The following TMEM108 variants were observed in gnomAD, a reference collection of about 807,000 sequenced individuals.
TMEM108 encodes transmembrane protein 108.
Under a neutral mutation model 35.1 loss-of-function variants are expected in TMEM108, and 12 were observed. The observed-to-expected ratio is 0.34, with a 90% CI of 0.22 to 0.55. TMEM108 has a LOEUF of 0.55. TMEM108 is among the 20% of genes least tolerant of loss of function. TMEM108 has a pLI of 0.89. For missense variants in TMEM108, 680 were observed against 753.3 expected, an observed-to-expected ratio of 0.90 and a Z score of 1.14; for synonymous variants, 287 against 308.6, an observed-to-expected ratio of 0.93 and a Z score of 0.73.
intron 3 of TMEM108, among the ~76,000 whole-genome samples, chr3:133,269,527 A>G (rs373748739): frequency 2.0e-5 from 3 of 152,292 alleles, no homozygotes. Context: ...TAGAGATTAA[A>G]TGGCTTCATT....
chr3:133,296,780 G>A (rs1035412849), intron 3 of TMEM108, among the ~76,000 whole-genome samples: 2 of 152,186 alleles, frequency 1.3e-5, no homozygotes, highest in Non-Finnish European at 2.9e-5. Context: ...TAGAGGGAGT[G>A]TCCAGCATGA....
chr3:133,181,330 A>G (rs1269251658), intron 2 of TMEM108, among the ~76,000 whole-genome samples: 1 of 152,174 alleles, frequency 6.6e-6, no homozygotes, highest in African/African-American at 2.4e-5. Flanking sequence ...CATCATAGGA[A>G]AAGAGAGAAC....
chr3:133,272,773 A>G (rs894417567), intron 3 of TMEM108, among the ~76,000 whole-genome samples: 2 of 152,188 alleles, frequency 1.3e-5, no homozygotes, highest in Non-Finnish European at 2.9e-5. Context: ...GGGAAAGTGA[A>G]CCTGATCTTC....
chr3:133,071,412 G>A (rs1943674683), intron 2 of TMEM108, among the ~76,000 whole-genome samples: 2 of 152,018 alleles, frequency 1.3e-5, no homozygotes, highest in South Asian at 4.2e-4. Flanking sequence ...CAGTCATATT[G>A]GTTTAGAGCC....
At chr3:133,065,670 A>T (rs567085619) in intron 2 of TMEM108, among the ~76,000 whole-genome samples, 61 of 152,182 alleles carry the variant, frequency 4.0e-4, no homozygotes, top group African/African-American at 1.3e-3. Flanking sequence ...TATTAAATTT[A>T]AAAAAAATTT....
intron 3 of TMEM108, among the ~76,000 whole-genome samples, chr3:133,282,964 G>A (rs959216064): frequency 2.0e-5 from 3 of 152,188 alleles, no homozygotes; most frequent in African/African-American, 7.2e-5. Context: ...TGTTACTTGT[G>A]TGAAGGCTTA....
chr3:133,137,641 G>T (rs898126704), intron 2 of TMEM108, among the ~76,000 whole-genome samples: 2 of 152,084 alleles, frequency 1.3e-5, no homozygotes, highest in African/African-American at 4.8e-5. Flanking sequence ...GGCTATCCTT[G>T]TCACAAGGAT....
intron 3 of TMEM108, among the ~76,000 whole-genome samples, chr3:133,333,396 G>C (rs968581211): frequency 6.6e-6 from 1 of 151,558 alleles, no homozygotes; most frequent in African/African-American, 2.4e-5. Flanking sequence ...AATAAACTTA[G>C]AGCCAGAAAG....
chr3:133,335,638 G>A (rs552731714), intron 3 of TMEM108, among the ~76,000 whole-genome samples: 59 of 152,280 alleles, frequency 3.9e-4, no homozygotes, highest in African/African-American at 1.4e-3. Context: ...TATAGAATGA[G>A]CAGAGCAAAA....
intron 3 of TMEM108, among the ~76,000 whole-genome samples, chr3:133,281,985 G>A (rs759670568): frequency 5.9e-5 from 9 of 151,944 alleles, no homozygotes; most frequent in East Asian, 1.9e-4. Context: ...GTGAAACTCC[G>A]TCTCTACTAA....
chr3:133,390,770 G>A (rs1489802336), intron 5 of TMEM108, among the ~76,000 whole-genome samples: 1 of 152,064 alleles, frequency 6.6e-6, no homozygotes, highest in Non-Finnish European at 1.5e-5. Flanking sequence ...TATAGACAAA[G>A]AGCTGTGGAA....
At chr3:133,137,446 G>A (rs183649470) in intron 2 of TMEM108, among the ~76,000 whole-genome samples, 6 of 152,078 alleles carry the variant, frequency 3.9e-5, no homozygotes, top group Admixed American at 6.6e-5. Context: ...ATCCTGTCAC[G>A]CCTGCCCCAG....
chr3:133,328,205 A>C (rs1225414749), intron 3 of TMEM108, among the ~76,000 whole-genome samples: 3 of 152,196 alleles, frequency 2.0e-5, no homozygotes, highest in Non-Finnish European at 4.4e-5. Context: ...GTTGTATCCT[A>C]ATGTCATGAG....
intron 2 of TMEM108, among the ~76,000 whole-genome samples, chr3:133,105,814 C>G (rs1223059503): frequency 6.6e-6 from 1 of 152,208 alleles, no homozygotes; most frequent in Non-Finnish European, 1.5e-5. Context: ...AAACTATTTT[C>G]TCTACAGCAA....
intron 3 of TMEM108, among the ~76,000 whole-genome samples, chr3:133,279,120 C>T (rs1371592261): frequency 6.6e-6 from 1 of 152,156 alleles, no homozygotes; most frequent in Admixed American, 6.5e-5. Flanking sequence ...GGCAAACCAG[C>T]CTAGTCTGTA....
intron 4 of TMEM108, chr3:133,389,294 C>T: frequency 3.0e-6 from 3 of 985,486 alleles, no homozygotes; most frequent in Non-Finnish European, 3.6e-6. Flanking sequence ...GGTCACATGT[C>T]ACACTGTGCT....
chr3:133,277,401 T>C (rs1946853402), intron 3 of TMEM108, among the ~76,000 whole-genome samples: 1 of 152,140 alleles, frequency 6.6e-6, no homozygotes, highest in Admixed American at 6.5e-5. Flanking sequence ...AGTACAAAAG[T>C]TTATTATACT....
chr3:133,051,986 C>T (rs147099159), intron 2 of TMEM108, among the ~76,000 whole-genome samples: 116 of 152,164 alleles, frequency 7.6e-4, no homozygotes, highest in African/African-American at 2.7e-3. Context: ...GCGTGTTTTG[C>T]CTCTCCATAT....
intron 3 of TMEM108, among the ~76,000 whole-genome samples, chr3:133,281,097 C>A (rs902851538): frequency 2.1e-4 from 32 of 152,156 alleles, no homozygotes; most frequent in African/African-American, 7.2e-4. Context: ...GGCATAAATA[C>A]TATGAAGGGA....
Sources: gnomAD v4.1 joint callset for allele counts (sites outside exome capture counted in the v4.1 genomes callset) on GRCh38, gnomAD v4.1.1 for gene constraint, MANE v1.5 for transcripts, NCBI Gene and HGNC (gene_info 2026-07-23, HGNC 2026-07-21) for gene names.